The following USP6NL variants were observed in gnomAD, a reference collection of about 807,000 sequenced individuals.
USP6NL encodes USP6 N-terminal like.
A neutral mutation model predicts 61.9 loss-of-function variants in USP6NL; 26 were observed. The observed-to-expected ratio is 0.42, with a 90% CI of 0.31 to 0.58. The LOEUF (loss-of-function observed/expected upper bound fraction) is 0.58. Among genes scored for constraint, USP6NL ranks in the 20% least tolerant of loss-of-function variants. USP6NL has a pLI of 0.16. For synonymous variants in USP6NL, 432 were observed against 390.1 expected (o/e 1.11, Z -1.27); for missense variants, 1,114 against 1,034.3 (o/e 1.08, Z -1.06).
intron 2 of USP6NL, among the ~76,000 whole-genome samples, chr10:11,543,324 A>C (rs957335522): frequency 6.6e-6 from 1 of 152,296 alleles, no homozygotes; most frequent in Admixed American, 6.5e-5. Flanking sequence ...GGGGGATCAC[A>C]AGGTCAGGAG....
At chr10:11,560,117 C>T (rs904005331) in intron 2 of USP6NL, among the ~76,000 whole-genome samples, 1 of 152,110 alleles carries the variant, frequency 6.6e-6, no homozygotes, top group Non-Finnish European at 1.5e-5. Flanking sequence ...AGTCTCATTT[C>T]GTTCAAAAAA....
chr10:11,599,220 G>A (rs923253910), intron 1 of USP6NL, among the ~76,000 whole-genome samples: 11 of 152,286 alleles, frequency 7.2e-5, no homozygotes, highest in East Asian at 1.9e-4. Context: ...AGACAGTCCC[G>A]TGTTACAAAT....
intron 5 of USP6NL, among the ~76,000 whole-genome samples, chr10:11,512,006 T>C (rs1489552590): frequency 1.3e-5 from 2 of 152,140 alleles, no homozygotes; most frequent in Non-Finnish European, 2.9e-5. Context: ...AGATGAAATA[T>C]ACTTTCTCAC....
intron 2 of USP6NL, among the ~76,000 whole-genome samples, chr10:11,542,008 A>G (rs1318056394): frequency 6.6e-6 from 1 of 152,218 alleles, no homozygotes; most frequent in Non-Finnish European, 1.5e-5. Flanking sequence ...GACAATTTTT[A>G]AAGCAAATTA....
At position 11,532,109 on chromosome 10, in the gene USP6NL, T is replaced by C. The variant is rs889820003; in HGVS notation, c.5-4542A>G. 26 of 1,167,196 alleles carry C rather than the reference T, an allele frequency of 2.2e-5. No individual in the cohort carries two copies. The South Asian group carries it at 3.7e-4, about 17-fold the overall frequency. 72.3% of individuals were successfully genotyped at this position (1,167,196 alleles called of 1,614,324 possible). On this transcript the variant is annotated intron_variant, in intron 2 of 14. Coordinates refer to ENST00000609104, the MANE Select transcript of USP6NL (RefSeq NM_014688.5). This position sits in a 1 kb window ranked among gnomAD's most constrained non-coding sequence, Gnocchi z 4.1. ...AAAATAAAATTTACAGCAGACCATT[T>C]TTCCTAGAGTACATTTTGACAGATG...
At chr10:11,509,748 A>T in intron 5 of USP6NL, 73 bp from the exon 6 acceptor site, 1 of 1,262,928 alleles carries the variant, frequency 7.9e-7, no homozygotes, top group Non-Finnish European at 1.1e-6. Context: ...ACTTCAAAGA[A>T]AATGCTTCTA....
chr10:11,463,141 G>A lies in USP6NL; in HGVS notation c.1787C>T (p.Pro596Leu). Residue 596 changes from proline to leucine, a missense_variant, in exon 15 of 15, where the codon CCA becomes CTA. Pro to Leu is a moderately conservative substitution (Grantham distance 98). Coordinates refer to ENST00000609104, the MANE Select transcript of USP6NL (RefSeq NM_014688.5). The surrounding 1 kb of genome is among the most constrained non-coding windows in gnomAD (Gnocchi z 6.3). ...PRKHAEPSSS[P>L]SKVSNKFTFK... ...AGTAAACTTGTTGGATACTTTTGAT[G>A]GACTAGAACTTGGCTCAGCGTGCTT... 3 of 1,613,984 alleles carry A rather than the reference G, an allele frequency of 1.9e-6. No individual in the cohort carries two copies. Among genetic ancestry groups the A allele is most frequent in the Non-Finnish European group, 1.7e-6 (2 of 1,179,902 alleles).
intron 14 of USP6NL, among the ~76,000 whole-genome samples, chr10:11,471,185 A>AAAAC (rs200327768): frequency 6.6e-6 from 1 of 152,144 alleles, no homozygotes; most frequent in African/African-American, 2.4e-5. Flanking sequence ...TCTTGTCTCA[A>AAAAC]AAACAAACAA....
Position 11,598,638 on chromosome 10 carries a change from T to C in USP6NL, c.-83-921A>G, listed in dbSNP as rs1361834958. Among the ~76,000 whole-genome samples, 1 of 152,216 alleles carries C rather than the reference T, an allele frequency of 6.6e-6. No homozygotes were observed. Among genetic ancestry groups the C allele is most frequent in the African/African-American group, 2.4e-5 (1 of 41,454 alleles). On this transcript the variant is annotated intron_variant, in intron 1 of 14. Transcript: ENST00000609104. The surrounding 1 kb of genome is among the most constrained non-coding windows in gnomAD (Gnocchi z 4.7). ...ACACCTGTACTACCTCACATGTAGTTTCCTTCATAAACAAATAAGCTACTT... is the reference window on the plus strand; with the variant it reads ...ACACCTGTACTACCTCACATGTAGTCTCCTTCATAAACAAATAAGCTACTT...
At chr10:11,471,215 C>A (rs139474315) in intron 14 of USP6NL, among the ~76,000 whole-genome samples, 166 of 151,978 alleles carry the variant, frequency 1.1e-3, no homozygotes, top group Middle Eastern at 6.8e-3. Flanking sequence ...AAAAACACCA[C>A]CAACAACAAA....
In USP6NL at chr10:11,525,297, A is replaced by G; in HGVS notation, c.155+89T>C. On this transcript the variant is annotated intron_variant, in intron 4 of 14. Coordinates refer to ENST00000609104, the MANE Select transcript of USP6NL (RefSeq NM_014688.5). This position sits in a 1 kb window ranked among gnomAD's most constrained non-coding sequence, Gnocchi z 5.0. Reference sequence around the variant, plus strand: ...GTAAGACTATTCCTTATTCACAGCAATTATATTAAAAATAAAGAAAATCAA... The same window carrying G: ...GTAAGACTATTCCTTATTCACAGCAGTTATATTAAAAATAAAGAAAATCAA... The G allele has an allele frequency of 9.3e-7, 1 of 1,076,944 alleles. No homozygotes were observed. The allele number at this position is 1,076,944 out of a possible 1,614,324, so 66.7% of individuals were successfully genotyped here.
chr10:11,503,064 G>A (rs1834279933), intron 6 of USP6NL, among the ~76,000 whole-genome samples: 2 of 152,138 alleles, frequency 1.3e-5, no homozygotes, highest in African/African-American at 4.8e-5. Flanking sequence ...ATAGTAAACT[G>A]TGATTTTAAA....
In USP6NL at chr10:11,511,950, A is replaced by G. The variant is rs903627000; in HGVS notation, c.196-2275T>C. Among the ~76,000 whole-genome samples the G allele has an allele frequency of 2.0e-5, 3 of 152,174 alleles. No homozygotes were observed. The highest frequency in any genetic ancestry group is 2.0e-4 in the Admixed American group (3 of 15,276). On this transcript the variant is annotated intron_variant, in intron 5 of 14. Coordinates refer to ENST00000609104, the MANE Select transcript of USP6NL (RefSeq NM_014688.5). The surrounding 1 kb of genome is among the most constrained non-coding windows in gnomAD (Gnocchi z 4.9). Reference sequence around the variant, plus strand: ...GTCCATTCAACAATACCAAACTTGAATGCACATGAAAGTCTCTTTCCCCCA... The same window carrying G: ...GTCCATTCAACAATACCAAACTTGAGTGCACATGAAAGTCTCTTTCCCCCA...
In USP6NL at chr10:11,510,368, A is replaced by C. The variant is rs1347352226; in HGVS notation, c.196-693T>G. 6.6e-6 allele frequency among the ~76,000 whole-genome samples: 1 copy of C among 152,110 alleles called. No homozygotes were observed. Among genetic ancestry groups the C allele is most frequent in the Non-Finnish European group, 1.5e-5 (1 of 68,014 alleles). On this transcript the variant is annotated intron_variant, in intron 5 of 14. Transcript: ENST00000609104. This position sits in a 1 kb window ranked among gnomAD's most constrained non-coding sequence, Gnocchi z 4.8. ...GATTATTAGGGTTTGTTTTTTTTTA[A>C]TCAAATGCAATGTGGGAAAGAATGT...
intron 1 of USP6NL, among the ~76,000 whole-genome samples, chr10:11,609,921 TG>T (rs1201395689): frequency 6.6e-6 from 1 of 152,200 alleles, no homozygotes; most frequent in Non-Finnish European, 1.5e-5. Flanking sequence ...AAACTGGTAA[TG>T]GACTAGTCTT....
intron 2 of USP6NL, among the ~76,000 whole-genome samples, chr10:11,556,856 C>A (rs1591924807): frequency 6.6e-6 from 1 of 152,196 alleles, no homozygotes; most frequent in Non-Finnish European, 1.5e-5. Flanking sequence ...ACACTTAGAA[C>A]TCTAACAACA....
rs1832319549 is a variant in USP6NL, at chr10:11,463,946, GCA to G, written c.1079-99_1079-98del. The G allele has an allele frequency of 1.7e-6, 2 of 1,154,830 alleles. No homozygotes were observed. Among genetic ancestry groups the G allele is most frequent in the Admixed American group, 2.9e-5 (1 of 34,102 alleles). The allele number at this position is 1,154,830 out of a possible 1,614,324, so 71.5% of individuals were successfully genotyped here. On this transcript the variant is annotated intron_variant, in intron 14 of 14. Transcript: ENST00000609104. The surrounding 1 kb of genome is among the most constrained non-coding windows in gnomAD (Gnocchi z 6.3). The stretch of plus-strand genomic sequence containing the variant: ...TAACAATGGCATGCTTTTCATCTGT[GCA>G]CAGATACACGCTGACATACAACACA...
Position 11,470,687 on chromosome 10 carries a change from T to C in USP6NL, c.1079-6838A>G, listed in dbSNP as rs1252397854. ...CTTGTCTTTGGTTTAAATATCTCCT[T>C]TCACCCCTAAGCAACTAACTGTAAC... On this transcript the variant is annotated intron_variant, in intron 14 of 14. Transcript: ENST00000609104. This position sits in a 1 kb window ranked among gnomAD's most constrained non-coding sequence, Gnocchi z 5.4. Among the ~76,000 whole-genome samples, 1 of 152,184 alleles carries C rather than the reference T, an allele frequency of 6.6e-6. No homozygotes were observed. Among genetic ancestry groups the C allele is most frequent in the East Asian group, 1.9e-4 (1 of 5,198 alleles).
In USP6NL at chr10:11,547,787, G is replaced by A. The variant is rs368024904; in HGVS notation, c.5-20220C>T. Among the ~76,000 whole-genome samples, 205 of 152,140 alleles carry A rather than the reference G, an allele frequency of 1.3e-3. 4 individuals are homozygous for A. In the South Asian group the frequency reaches 0.036, roughly 27 times the overall value. On this transcript the variant is annotated intron_variant, in intron 2 of 14. Transcript: ENST00000609104. ...GATCTCCTGACCTCGTGATCCGCCC[G>A]CCTTGGCCTCCCCAAAGTGCTAGGA...
Sources: allele counts gnomAD v4.1 joint callset (sites outside exome capture counted in the v4.1 genomes callset), GRCh38; gene constraint gnomAD v4.1.1; non-coding constraint Gnocchi (gnomAD v3.1); transcripts MANE v1.5; gene names NCBI Gene and HGNC (gene_info 2026-07-23, HGNC 2026-07-21).